CLCA4: variants seen among roughly 807,000 people sequenced by gnomAD.
CLCA4 encodes chloride channel accessory 4.
CLCA4 carries 69 observed loss-of-function variants against 78.9 expected under a neutral mutation model. The observed-to-expected ratio is 0.87, with a 90% CI of 0.72 to 1.07. The LOEUF (loss-of-function observed/expected upper bound fraction) is 1.07, where lower values mean the gene tolerates loss of function less well. CLCA4 is among the 50% of genes least tolerant of loss of function. CLCA4 has a pLI of 0.00. For synonymous variants in CLCA4, 362 were observed against 375.8 expected (o/e 0.96, Z 0.42); for missense variants, 1,133 against 1,095.8 (o/e 1.03, Z -0.48).
intron 1 of CLCA4, among the ~76,000 whole-genome samples, chr1:86,558,314 G>A (rs1649909971): frequency 6.6e-6 from 1 of 152,144 alleles, no homozygotes; most frequent in Non-Finnish European, 1.5e-5. Context: ...ACTGGTCTGT[G>A]TGTCTAAGTC....
In CLCA4 at chr1:86,550,590, T is replaced by C. The variant is rs77028329; in HGVS notation, c.159+3312T>C. Among the ~76,000 whole-genome samples the C allele has an allele frequency of 6.9e-3, 1,044 of 150,868 alleles. 14 individuals are homozygous for C. The highest frequency in any genetic ancestry group is 0.023 in the African/African-American group (961 of 41,078). On this transcript the variant is annotated intron_variant, in intron 1 of 13. Transcript: ENST00000370563. ...ATCCACATTTTACAGAAGAAAAAAC[T>C]AGGGGTCCGAAAAAAAAAATGATTT...
chr1:86,570,987 T>G (rs1318575795), intron 7 of CLCA4, 90 bp from the exon 8 acceptor site: 2 of 927,040 alleles, frequency 2.2e-6, no homozygotes, highest in African/African-American at 3.3e-5. Flanking sequence ...TAACTTTGTT[T>G]ATTTTCTCTG....
chr1:86,573,174 G>T (rs1384501294), intron 9 of CLCA4, among the ~76,000 whole-genome samples: 1 of 151,878 alleles, frequency 6.6e-6, no homozygotes, highest in Non-Finnish European at 1.5e-5. Context: ...TTAAGCAGGA[G>T]AAAGACGGGG....
Position 86,580,014 on chromosome 1 carries a change from T to G in CLCA4, c.2429T>G (p.Val810Gly). 1 of 1,609,584 alleles carries G rather than the reference T, an allele frequency of 6.2e-7. No homozygotes were observed. The highest frequency in any genetic ancestry group is 1.7e-4 in the Middle Eastern group (1 of 6,028). The change falls in exon 14 of 14, where the codon GTA becomes GGA. Residue 810 changes from valine to glycine, a missense_variant. Val to Gly is a moderately radical substitution (Grantham distance 109). Coordinates refer to ENST00000370563, the MANE Select transcript of CLCA4 (RefSeq NM_012128.4). ...LRDSFDDALQ[V>G]NTTDLSPKEA... The stretch of plus-strand genomic sequence containing the variant: ...GACAGTTTTGATGATGCTCTTCAAG[T>G]AAATACTACTGATCTGTCACCAAAG...
At chr1:86,556,313 C>T (rs1203547412) in intron 1 of CLCA4, among the ~76,000 whole-genome samples, 1 of 152,192 alleles carries the variant, frequency 6.6e-6, no homozygotes, top group Non-Finnish European at 1.5e-5. Flanking sequence ...AGCTTTTGCC[C>T]ATTCAGTATA....
chr1:86,560,173 T>TATTTTTGATGTTTGACAATCTTTTTC lies in CLCA4; in HGVS notation c.301-36_301-11dup, dbSNP rs776930766. The TATTTTTGATGTTTGACAATCTTTTTC allele has an allele frequency of 3.2e-6, 5 of 1,577,204 alleles. No homozygotes were observed. In the East Asian group the frequency reaches 9.0e-5, roughly 28 times the overall value. ...CTTTCTAACTGAATATTATCTTTTTTATTTTTGATGTTTGACAATCTTTTT... is the reference window on the plus strand; with the variant it reads ...CTTTCTAACTGAATATTATCTTTTTTATTTTTGATGTTTGACAATCTTTTTCATTTTTGATGTTTGACAATCTTTTT... On this transcript the variant is annotated intron_variant, in intron 2 of 13. Transcript: ENST00000370563.
At chr1:86,560,956 T>G (rs1174049843) in intron 3 of CLCA4, among the ~76,000 whole-genome samples, 1 of 152,206 alleles carries the variant, frequency 6.6e-6, no homozygotes, top group Non-Finnish European at 1.5e-5. Context: ...AAGTGCACTT[T>G]ACAGACAAAA....
At position 86,560,090 on chromosome 1, in the gene CLCA4, C is replaced by A. The variant is rs755908099; in HGVS notation, c.300+18C>A. 76 of 1,565,344 alleles carry A rather than the reference C, an allele frequency of 4.9e-5. No homozygotes were observed. Among genetic ancestry groups the A allele is most frequent in the Non-Finnish European group, 5.9e-5 (68 of 1,161,620 alleles). On this transcript the variant is annotated intron_variant, in intron 2 of 13. Coordinates refer to ENST00000370563, the MANE Select transcript of CLCA4 (RefSeq NM_012128.4). ...ATAAACATGTAAGTGTCGAAATATT[C>A]TCTTAAAAAATTATATTTTCTGATA...
At chr1:86,562,917 G>T (rs1650067981) in intron 3 of CLCA4, among the ~76,000 whole-genome samples, 2 of 151,300 alleles carry the variant, frequency 1.3e-5, no homozygotes, top group Admixed American at 1.3e-4. Flanking sequence ...TCATACTGTG[G>T]TGTATTTTCC....
At chr1:86,578,596 G>A (rs1210505130) in intron 12 of CLCA4, among the ~76,000 whole-genome samples, 1 of 151,918 alleles carries the variant, frequency 6.6e-6, no homozygotes, top group Non-Finnish European at 1.5e-5. Context: ...TGAGGATAAT[G>A]GCCTCCAGCT....
At chr1:86,551,522 C>T (rs373240489) in intron 1 of CLCA4, among the ~76,000 whole-genome samples, 116 of 152,184 alleles carry the variant, frequency 7.6e-4, no homozygotes, top group African/African-American at 2.7e-3. Context: ...GAGGCAGCAC[C>T]TATGACCCTA....
intron 6 of CLCA4, among the ~76,000 whole-genome samples, chr1:86,567,123 G>C (rs748645556): frequency 6.6e-6 from 1 of 151,836 alleles, no homozygotes; most frequent in East Asian, 1.9e-4. Flanking sequence ...TCTCTAAGAT[G>C]TGTCTCCTCA....
At chr1:86,566,345 A>T in intron 6 of CLCA4, among the ~76,000 whole-genome samples, 1 of 151,916 alleles carries the variant, frequency 6.6e-6, no homozygotes, top group Admixed American at 6.6e-5. Flanking sequence ...TATTTATGTT[A>T]CACATTTCTC....
rs1357314229 is a variant in CLCA4, at chr1:86,565,998, T to C, written c.932T>C (p.Leu311Pro). ...AGTCAAAGAATTGTGTGCTTAGTTC[T>C]TGATAAGTCTGGAAGCATGGGGGTA... is the stretch of plus-strand genomic sequence containing the variant. ...KISQRIVCLV[L>P]DKSGSMGGKD... Residue 311 changes from leucine (L) to proline (P), a missense_variant, in exon 6 of 14, where the codon CTT (leucine) becomes CCT (proline). Physicochemically the swap from Leu to Pro is moderately conservative, Grantham distance 98 (BLOSUM62 -3). Coordinates refer to ENST00000370563, the MANE Select transcript of CLCA4 (RefSeq NM_012128.4). 1.2e-6 allele frequency: 2 copies of C among 1,612,698 alleles called. No individual in the cohort carries two copies. The highest frequency in any genetic ancestry group is 1.1e-5 in the South Asian group (1 of 90,976).
intron 1 of CLCA4, chr1:86,553,212 T>C: frequency 1.7e-6 from 2 of 1,169,856 alleles, no homozygotes; most frequent in Non-Finnish European, 2.6e-6. Flanking sequence ...AAGCTGCAGC[T>C]TCACCAGGGA....
intron 1 of CLCA4, among the ~76,000 whole-genome samples, chr1:86,558,858 A>G (rs978393753): frequency 5.3e-4 from 81 of 152,126 alleles, no homozygotes; most frequent in African/African-American, 1.5e-3. Context: ...ACACAGTGAA[A>G]CCATATCAGC....
intron 8 of CLCA4, 57 bp from the exon 9 acceptor site, chr1:86,572,557 T>C (rs2231597): frequency 0.11 from 112,785 of 1,033,120 alleles, 7,085 homozygotes; most frequent in Middle Eastern, 0.17. Flanking sequence ...TAATAATCAC[T>C]AAAATATATG....
chr1:86,567,234 C>A (rs2295634), intron 6 of CLCA4, among the ~76,000 whole-genome samples, 190 bp from the exon 7 acceptor site: 1 of 152,042 alleles, frequency 6.6e-6, no homozygotes, highest in South Asian at 2.1e-4. Flanking sequence ...CCTTACTATA[C>A]GTGTCCCATA....
intron 2 of CLCA4, 65 bp from the exon 3 acceptor site, chr1:86,560,146 G>T (rs1394536416): frequency 6.4e-7 from 1 of 1,561,670 alleles, no homozygotes; most frequent in African/African-American, 1.4e-5. Context: ...TTATTTAAGA[G>T]TCTTTCTAAC....
Sources: gnomAD v4.1 joint callset for allele counts (sites outside exome capture counted in the v4.1 genomes callset) on GRCh38, gnomAD v4.1.1 for gene constraint, MANE v1.5 for transcripts, NCBI Gene and HGNC (gene_info 2026-07-23, HGNC 2026-07-21) for gene names.